The following TARM1 variants were observed in gnomAD, a reference collection of about 807,000 sequenced individuals.
TARM1 encodes T cell-interacting, activating receptor on myeloid cells 1.
In TARM1, 24 loss-of-function variants were observed where a neutral mutation model predicts 30.4. That is an observed-to-expected ratio of 0.79 (90% CI 0.57 to 1.11). The LOEUF is 1.11. Ranked by LOEUF, TARM1 falls within the 50% of genes least tolerant of loss-of-function variation. TARM1 has a pLI of 0.00. For synonymous variants in TARM1, 129 were observed against 138.9 expected (o/e 0.93, Z 0.50); for missense variants, 323 against 332.8 (o/e 0.97, Z 0.23).
chr19:54,074,327 G>C (rs1480761481), intron 3 of TARM1, 111 bp from the exon 4 acceptor site: 67 of 1,028,524 alleles, frequency 6.5e-5, no homozygotes, highest in Non-Finnish European at 9.0e-5. Context: ...AGAGATTCCT[G>C]ATCTCTTCTA....
At chr19:54,080,316 G>A (rs1276660677) in intron 1 of TARM1, among the ~76,000 whole-genome samples, 1 of 151,102 alleles carries the variant, frequency 6.6e-6, no homozygotes, top group Admixed American at 6.6e-5. Context: ...AAAAAAGCCG[G>A]GCATGGTGGC....
chr19:54,075,141 G>A (rs1183090181), intron 2 of TARM1, 27 bp from the exon 3 acceptor site: 1 of 1,541,812 alleles, frequency 6.5e-7, no homozygotes, highest in Non-Finnish European at 8.8e-7. Context: ...CCTGATGCTG[G>A]ACCCGATGCC....
At chr19:54,070,552 GC>G (rs1325076083) in intron 4 of TARM1, among the ~76,000 whole-genome samples, 3 of 151,470 alleles carry the variant, frequency 2.0e-5, no homozygotes, top group Non-Finnish European at 4.4e-5. Flanking sequence ...GAGCCACCGC[GC>G]CCGGCCACCC....
chr19:54,077,369 AC>A (rs1192455099), intron 1 of TARM1, among the ~76,000 whole-genome samples: 3 of 151,776 alleles, frequency 2.0e-5, no homozygotes, highest in Non-Finnish European at 4.4e-5. Context: ...ACAGCGCGAG[AC>A]TCAGTTTCAG....
In TARM1 at chr19:54,075,889, C is replaced by G; in HGVS notation, c.64G>C (p.Gly22Arg). Residue 22 changes from glycine to arginine, a missense_variant, in exon 2 of 5, where the codon GGA (glycine) becomes CGA (arginine). Gly to Arg is a moderately radical substitution (Grantham distance 125). Transcript: ENST00000432826. ...TAGTTGAAGAAACACTCACCATCTC[C>G]CCTTGTGTCTCCTTGGCCCACGCAC... ...RLCVGQGDTR[G>R]DGSLPKPSLS... 6.4e-7 allele frequency: 1 copy of G among 1,551,378 alleles called. No individual in the cohort carries two copies. Among genetic ancestry groups the G allele is most frequent in the Non-Finnish European group, 8.7e-7 (1 of 1,146,954 alleles).
chr19:54,070,261 G>T, intron 4 of TARM1, 101 bp from the exon 5 acceptor site: 2 of 1,446,068 alleles, frequency 1.4e-6, no homozygotes, highest in Non-Finnish European at 9.1e-7. Flanking sequence ...AATGTTTTCG[G>T]TTTTTTGGTT....
At position 54,075,935 on chromosome 19, in the gene TARM1, C is replaced by T. The variant is rs779088450; in HGVS notation, c.35-17G>A. On this transcript the variant is annotated splice_polypyrimidine_tract_variant and intron_variant, in intron 1 of 4. Transcript: ENST00000432826. ...CGCACAGTCCTGCAAGACAATCCTC[C>T]GTGAGCCAGAAGCCCCTACCTGGAG... The T allele has an allele frequency of 8.6e-5, 134 of 1,551,000 alleles. 1 individual carries two copies. The highest frequency in any genetic ancestry group is 4.8e-4 in the South Asian group (40 of 84,058).
chr19:54,074,781 TCCC>T, intron 3 of TARM1, 40 bp downstream of exon 3: 1 of 1,532,914 alleles, frequency 6.5e-7, no homozygotes, highest in Non-Finnish European at 8.8e-7. Flanking sequence ...TCCTCCCTCA[TCCC>T]CTGTCCCCCG....
At position 54,073,984 on chromosome 19, in the gene TARM1, G is replaced by A; in HGVS notation, c.594C>T (p.Tyr198=). ...AGDAGNYSCM[Y]YQTKSPFWAS... ...CCCAGAAGGGAGACTTTGTCTGGTAGTACATGCAGCTGTAGTTCCCAGCAT... is the reference window on the plus strand; with the variant it reads ...CCCAGAAGGGAGACTTTGTCTGGTAATACATGCAGCTGTAGTTCCCAGCAT... Residue 198 remains tyrosine (Y), a synonymous_variant, in exon 4 of 5, where the codon TAC becomes TAT. Transcript: ENST00000432826. 6.4e-7 allele frequency: 1 copy of A among 1,551,696 alleles called. No homozygotes were observed.
chr19:54,076,326 T>C (rs1419352659), intron 1 of TARM1: 1 of 562,040 alleles, frequency 1.8e-6, no homozygotes, highest in Non-Finnish European at 3.0e-6. Flanking sequence ...CTTTCTTTCT[T>C]TTTCTTTCTT....
intron 4 of TARM1, 109 bp from the exon 5 acceptor site, chr19:54,070,269 G>T (rs2071777954): frequency 5.8e-6 from 7 of 1,197,448 alleles, no homozygotes; most frequent in Non-Finnish European, 7.7e-6. Flanking sequence ...CGGTTTTTTG[G>T]TTTTTTTTTT....
Position 54,073,999 on chromosome 19 carries a change from G to C in TARM1, c.579C>G (p.Asn193Lys), listed in dbSNP as rs1275864820. 6.4e-7 allele frequency: 1 copy of C among 1,551,572 alleles called. No individual in the cohort carries two copies. The highest frequency in any genetic ancestry group is 8.7e-7 in the Non-Finnish European group (1 of 1,147,004). The change falls in exon 4 of 5, where the codon AAC (asparagine) becomes AAG (lysine). Residue 193 changes from asparagine to lysine, a missense_variant. By Grantham distance (94) the Asn-to-Lys change is moderately conservative. Coordinates refer to ENST00000432826, the MANE Select transcript of TARM1 (RefSeq NM_001135686.3). ...LVDVTAGDAG[N>K]YSCMYYQTKS... ...TTGTCTGGTAGTACATGCAGCTGTA[G>C]TTCCCAGCATCGCCGGCTGTCACGT...
intron 4 of TARM1, among the ~76,000 whole-genome samples, chr19:54,073,131 G>A (rs897798292): frequency 5.3e-5 from 8 of 149,556 alleles, no homozygotes; most frequent in African/African-American, 1.7e-4. Flanking sequence ...AAGGAGGGCC[G>A]GGCACGGTGG....
Position 54,080,131 on chromosome 19 carries a change from G to GAAAAA in TARM1, c.34+1175_34+1176insTTTTT, listed in dbSNP as rs2072073147. Reference sequence around the variant, plus strand: ...AGGAAGGAAGGAAGGAAGGAAGGAAGGAAGGAAGAAAGCAAGCAAGCAAGC... The same window carrying GAAAAA: ...AGGAAGGAAGGAAGGAAGGAAGGAAGAAAAAGAAGGAAGAAAGCAAGCAAGCAAGC... On this transcript the variant is annotated intron_variant, in intron 1 of 4. Transcript: ENST00000432826. 2.5e-4 allele frequency among the ~76,000 whole-genome samples: 14 copies of GAAAAA among 55,200 alleles called. 2 individuals are homozygous for GAAAAA. The highest frequency in any genetic ancestry group is 4.9e-4 in the Non-Finnish European group (12 of 24,686). The allele number at this position is 55,200 out of a possible 152,430, so 36.2% of individuals were successfully genotyped here.
Position 54,074,034 on chromosome 19 carries a change from A to G in TARM1, c.544T>C (p.Ser182Pro). The change falls in exon 4 of 5, where the codon TCT becomes CCT. Residue 182 changes from serine (S) to proline (P), a missense_variant. Coordinates refer to ENST00000432826, the MANE Select transcript of TARM1 (RefSeq NM_001135686.3). ...QSPAGKEIDF[S>P]LVDVTAGDAG... Reference sequence around the variant, plus strand: ...TCGCCGGCTGTCACGTCCACCAGAGAGAAGTCTATCTCCTTCCCCGCTGGA... The same window carrying G: ...TCGCCGGCTGTCACGTCCACCAGAGGGAAGTCTATCTCCTTCCCCGCTGGA... 1.8e-5 allele frequency: 28 copies of G among 1,551,622 alleles called. No individual in the cohort carries two copies. Among genetic ancestry groups the G allele is most frequent in the Non-Finnish European group, 2.4e-5 (28 of 1,146,974 alleles).
intron 3 of TARM1, among the ~76,000 whole-genome samples, 171 bp downstream of exon 3, chr19:54,074,653 G>A (rs2071898856): frequency 6.6e-6 from 1 of 152,080 alleles, no homozygotes; most frequent in Admixed American, 6.6e-5. Context: ...ACTGCACTCT[G>A]GCCTGGGCGA....
chr19:54,079,944 C>T (rs1194914086), intron 1 of TARM1, among the ~76,000 whole-genome samples: 3 of 148,046 alleles, frequency 2.0e-5, no homozygotes, highest in South Asian at 2.1e-4. Context: ...GTGGAGGCTG[C>T]AGTGAGCTGT....
At position 54,070,079 on chromosome 19, in the gene TARM1, A is replaced by G. The variant is rs1367064427; in HGVS notation, c.740T>C (p.Met247Thr). The G allele has an allele frequency of 2.6e-6, 4 of 1,551,546 alleles. No homozygotes were observed. The highest frequency in any genetic ancestry group is 2.7e-5 in the African/African-American group (2 of 73,032). ...CCAGGCCTCCACCAGGAAAGCTCCCATGATAACCACAATTACGGCAGCCAG... is the reference window on the plus strand; with the variant it reads ...CCAGGCCTCCACCAGGAAAGCTCCCGTGATAACCACAATTACGGCAGCCAG... ...LGLAAVIVVI[M>T]GAFLVEAWYS... Residue 247 changes from methionine to threonine, a missense_variant, in exon 5 of 5, where the codon ATG becomes ACG. Coordinates refer to ENST00000432826, the MANE Select transcript of TARM1 (RefSeq NM_001135686.3).
Position 54,074,953 on chromosome 19 carries a change from C to T in TARM1, c.232G>A (p.Gly78Ser). 6 of 1,551,510 alleles carry T rather than the reference C, an allele frequency of 3.9e-6. No individual in the cohort carries two copies. The highest frequency in any genetic ancestry group is 5.2e-6 in the Non-Finnish European group (6 of 1,146,962). Reference sequence around the variant, plus strand: ...TTATTGAGGTGAAATTCGGCCGCGCCCTCTGTAGAATCAAGGGGCTTCGGG... The same window carrying T: ...TTATTGAGGTGAAATTCGGCCGCGCTCTCTGTAGAATCAAGGGGCTTCGGG... ...ESPKPLDSTEGAAEFHLNNLK... is the reference protein window; with the variant it reads ...ESPKPLDSTESAAEFHLNNLK... Residue 78 changes from glycine (G) to serine (S), a missense_variant, in exon 3 of 5, where the codon GGC (glycine) becomes AGC (serine). By Grantham distance (56) the Gly-to-Ser change is moderately conservative. Transcript: ENST00000432826.
Sources: gnomAD v4.1 joint callset for allele counts (sites outside exome capture counted in the v4.1 genomes callset) on GRCh38, gnomAD v4.1.1 for gene constraint, MANE v1.5 for transcripts, NCBI Gene and HGNC (gene_info 2026-07-23, HGNC 2026-07-21) for gene names.